Variants in RBBP4 observed in about 807,000 individuals in gnomAD.
RBBP4 encodes RB binding protein 4, chromatin remodeling factor.
RBBP4 carries 3 observed loss-of-function variants against 57.2 expected under a neutral mutation model. That is an observed-to-expected ratio of 0.05 (90% confidence interval 0.02 to 0.14). The LOEUF (loss-of-function observed/expected upper bound fraction) is 0.14, where lower values mean the gene tolerates loss of function less well. Ranked by LOEUF, RBBP4 falls within the 10% of genes least tolerant of loss-of-function variation. RBBP4 has a pLI of 1.00. For missense variants in RBBP4, 107 were observed against 520.6 expected (o/e 0.21, Z 7.73); for synonymous variants, 151 against 171.5 (o/e 0.88, Z 0.93).
chr1:32,668,502 T>C, intron 4 of RBBP4, 104 bp downstream of exon 4: 1 of 1,251,140 alleles, frequency 8.0e-7, no homozygotes, highest in Non-Finnish European at 1.1e-6. Context: ...TTTAACATCT[T>C]GTGATTTGTA....
intron 8 of RBBP4, among the ~76,000 whole-genome samples, chr1:32,672,201 G>T (rs1361926458): frequency 6.6e-6 from 1 of 151,874 alleles, no homozygotes; most frequent in East Asian, 1.9e-4. Context: ...TGTTGGTTAG[G>T]CTGATCTTGA....
At chr1:32,675,958 G>A (rs540124837) in intron 11 of RBBP4, among the ~76,000 whole-genome samples, 8 of 151,300 alleles carry the variant, frequency 5.3e-5, no homozygotes, top group African/African-American at 1.9e-4. Context: ...TTGGTGGTAC[G>A]TGCCTGTGAT....
At chr1:32,651,645 C>T (rs1647684784) in intron 1 of RBBP4, 7 of 758,280 alleles carry the variant, frequency 9.2e-6, no homozygotes, top group South Asian at 5.0e-5. Flanking sequence ...CGGGCCTCCT[C>T]GTCGGGCTTG....
At chr1:32,659,306 A>T (rs1165035056) in intron 3 of RBBP4, among the ~76,000 whole-genome samples, 2 of 151,886 alleles carry the variant, frequency 1.3e-5, no homozygotes, top group Admixed American at 1.3e-4. Context: ...CACTCCTGTA[A>T]TCCCAGCACT....
In RBBP4 at chr1:32,685,992, A is replaced by G. The variant is rs892206422; in HGVS notation, c.*6287A>G. ...ACTTGAACCTCTGTTACTCTTCCGT[A>G]TGAACATTTTCCTCTAGCCCTGGAC... On this transcript the variant is annotated 3_prime_UTR_variant, in exon 12 of 12. Transcript: ENST00000373493. 1 of 152,210 alleles carries G rather than the reference A, an allele frequency of 6.6e-6. No individual in the cohort carries two copies. The highest frequency in any genetic ancestry group is 1.5e-5 in the Non-Finnish European group (1 of 68,050). 9.4% of individuals were successfully genotyped at this position (152,210 alleles called of 1,614,324 possible).
intron 2 of RBBP4, 108 bp from the exon 3 acceptor site, chr1:32,657,317 CCT>C: frequency 9.5e-7 from 1 of 1,054,704 alleles, no homozygotes; most frequent in Non-Finnish European, 1.4e-6. Context: ...GACTTTTTCC[CCT>C]CTCTTAAAAC....
intron 2 of RBBP4, among the ~76,000 whole-genome samples, chr1:32,653,691 C>G (rs375391232): frequency 9.2e-6 from 1 of 108,882 alleles, no homozygotes; most frequent in African/African-American, 3.5e-5. Flanking sequence ...ACGGAGTCTC[C>G]TCTCTTGCCC....
chr1:32,658,531 G>T (rs183835465), intron 3 of RBBP4, among the ~76,000 whole-genome samples: 73 of 142,158 alleles, frequency 5.1e-4, no homozygotes, highest in Non-Finnish European at 9.5e-4. Flanking sequence ...AACTGCTCAT[G>T]AAATGCTTAA....
intron 2 of RBBP4, among the ~76,000 whole-genome samples, chr1:32,653,646 T>TG (rs1647998865): frequency 1.8e-5 from 1 of 55,486 alleles, no homozygotes; most frequent in Non-Finnish European, 3.6e-5. Flanking sequence ...GGTTTTTTTT[T>TG]TTTTTTTTTT....
At chr1:32,672,770 T>A in intron 10 of RBBP4, 21 bp from the exon 11 acceptor site, 1 of 1,608,292 alleles carries the variant, frequency 6.2e-7, no homozygotes, top group Non-Finnish European at 8.5e-7. Flanking sequence ...TTTCACCTCT[T>A]TGTTTTCTTC....
intron 3 of RBBP4, among the ~76,000 whole-genome samples, chr1:32,660,067 T>A (rs1175302599): frequency 2.6e-5 from 4 of 152,206 alleles, no homozygotes; most frequent in Non-Finnish European, 5.9e-5. Context: ...ATTCTCAAGT[T>A]TACATTGCTT....
rs780039543 is a variant in RBBP4 at position 32,683,711 on chromosome 1, G to C, written c.*4006G>C. 115 of 304,384 alleles carry C rather than the reference G, an allele frequency of 3.8e-4. No homozygotes were observed. Among genetic ancestry groups the C allele is most frequent in the Non-Finnish European group, 6.2e-4 (99 of 158,750 alleles). The allele number at this position is 304,384 out of a possible 1,614,324, so 18.9% of individuals were successfully genotyped here. On this transcript the variant is annotated 3_prime_UTR_variant, in exon 12 of 12. Transcript: ENST00000373493. ...TGCTGTATTGTGATCTTGACTCACT[G>C]CAACCTCTGCCTCCTGGTTCAAGCG...
intron 2 of RBBP4, among the ~76,000 whole-genome samples, chr1:32,653,642 T>TTTTGTTTTTTTTG (rs1557849801): frequency 5.0e-5 from 1 of 20,200 alleles, no homozygotes; most frequent in East Asian, 1.2e-3. Flanking sequence ...TTCTGGTTTT[T>TTTTGTTTTTTTTG]TTTTTTTTTT....
At chr1:32,672,274 C>T (rs563983672) in intron 8 of RBBP4, among the ~76,000 whole-genome samples, 176 bp from the exon 9 acceptor site, 4 of 152,220 alleles carry the variant, frequency 2.6e-5, no homozygotes, top group African/African-American at 7.2e-5. Flanking sequence ...GTGAGCCAAC[C>T]GCGCCTGCCC....
At chr1:32,675,325 C>T (rs925507945) in intron 11 of RBBP4, among the ~76,000 whole-genome samples, 4 of 152,000 alleles carry the variant, frequency 2.6e-5, no homozygotes, top group South Asian at 2.1e-4. Flanking sequence ...CGTGAGCCAC[C>T]GCGCCTGGCG....
At chr1:32,656,057 CTAAA>C (rs1383945289) in intron 2 of RBBP4, among the ~76,000 whole-genome samples, 8 of 152,332 alleles carry the variant, frequency 5.3e-5, no homozygotes, top group Admixed American at 1.3e-4. Context: ...ATTCAGAACA[CTAAA>C]TAGTCAGTTT....
intron 2 of RBBP4, among the ~76,000 whole-genome samples, chr1:32,653,086 A>G (rs1647963944): frequency 6.6e-6 from 1 of 152,172 alleles, no homozygotes; most frequent in African/African-American, 2.4e-5. Flanking sequence ...TAGGTAGCTT[A>G]TCTCTAGTAG....
At chr1:32,667,534 GT>G (rs1271836475) in intron 3 of RBBP4, among the ~76,000 whole-genome samples, 2 of 152,124 alleles carry the variant, frequency 1.3e-5, no homozygotes, top group African/African-American at 2.4e-5. Flanking sequence ...GGTGGTAGTG[GT>G]CCCCCAGGCT....
At chr1:32,666,427 C>G (rs566159139) in intron 3 of RBBP4, among the ~76,000 whole-genome samples, 129 of 151,524 alleles carry the variant, frequency 8.5e-4, no homozygotes, top group African/African-American at 3.1e-3. Flanking sequence ...GGCACGATCT[C>G]GGCTCACTGC....
Sources: allele counts gnomAD v4.1 joint callset (sites outside exome capture counted in the v4.1 genomes callset), GRCh38; gene constraint gnomAD v4.1.1; transcripts MANE v1.5; gene names NCBI Gene and HGNC (gene_info 2026-07-23, HGNC 2026-07-21).